Variants in LUC7L observed in about 807,000 individuals in gnomAD.
LUC7L encodes putative RNA-binding protein Luc7-like 1.
LUC7L carries 29 observed loss-of-function variants against 51.1 expected under a neutral mutation model. That is an observed-to-expected ratio of 0.57 (90% CI 0.42 to 0.77). The LOEUF is 0.77. Among genes scored for constraint, LUC7L ranks in the 30% least tolerant of loss-of-function variants. The pLI is 0.00. For missense variants in LUC7L, 403 were observed against 511.9 expected (o/e 0.79, Z 2.05); for synonymous variants, 181 against 180.7 (o/e 1.00, Z -0.01).
At chr16:228,880 A>G (rs2142131791) in intron 1 of LUC7L, 2 of 1,317,932 alleles carry the variant, frequency 1.5e-6, no homozygotes, top group Non-Finnish European at 2.0e-6. Context: ...CCTCGGGTGT[A>G]GCTTCTTCCC....
intron 9 of LUC7L, 63 bp from the exon 10 acceptor site, chr16:189,402 C>T: frequency 6.5e-7 from 1 of 1,545,158 alleles, no homozygotes; most frequent in Non-Finnish European, 8.7e-7. Flanking sequence ...GCCGCTCAGG[C>T]ACTGACGATG....
At chr16:224,693 TGTGGTGGC>T (rs748492742) in intron 2 of LUC7L, among the ~76,000 whole-genome samples, 57 of 151,070 alleles carry the variant, frequency 3.8e-4, no homozygotes, top group Admixed American at 1.5e-3. Flanking sequence ...ATTAGCCAGG[TGTGGTGGC>T]GGGCGCCTAT....
At chr16:213,265 T>A (rs1223251543) in intron 3 of LUC7L, among the ~76,000 whole-genome samples, 1 of 152,160 alleles carries the variant, frequency 6.6e-6, no homozygotes, top group Admixed American at 6.6e-5. Flanking sequence ...CAGCCAATGA[T>A]GAGGACAGGG....
intron 2 of LUC7L, among the ~76,000 whole-genome samples, chr16:224,624 G>C (rs926275113): frequency 7.9e-5 from 12 of 151,798 alleles, no homozygotes; most frequent in African/African-American, 2.2e-4. Flanking sequence ...GAAGTCAGGA[G>C]TTTGAGACCA....
At chr16:219,582 A>G (rs904833161) in intron 3 of LUC7L, among the ~76,000 whole-genome samples, 3 of 151,804 alleles carry the variant, frequency 2.0e-5, no homozygotes, top group Non-Finnish European at 2.9e-5. Flanking sequence ...CTGTATCAAA[A>G]AGAAAAAGAA....
intron 2 of LUC7L, among the ~76,000 whole-genome samples, chr16:221,186 ATTTTTTTTTTTTTTT>A (rs372906826): frequency 4.0e-5 from 4 of 101,256 alleles, no homozygotes; most frequent in Non-Finnish European, 5.8e-5. Context: ...CACCCAGCTA[ATTTTTTTTTTTTTTT>A]TTTTTTTTTT....
intron 6 of LUC7L, 26 bp from the exon 7 acceptor site, chr16:193,041 G>T: frequency 6.3e-7 from 1 of 1,584,586 alleles, no homozygotes. Flanking sequence ...AAAAAATGAG[G>T]AAGAGCAAGT....
intron 6 of LUC7L, among the ~76,000 whole-genome samples, chr16:198,559 G>A (rs568234271): frequency 2.6e-5 from 4 of 152,200 alleles, no homozygotes; most frequent in South Asian, 2.1e-4. Flanking sequence ...TTCCCTTAAC[G>A]ACAGGGTCCA....
chr16:203,470 G>A (rs1177282485), intron 5 of LUC7L, among the ~76,000 whole-genome samples: 1 of 152,158 alleles, frequency 6.6e-6, no homozygotes, highest in African/African-American at 2.4e-5. Context: ...ACTTTGGGAA[G>A]CAGAGCTAGG....
In LUC7L at chr16:217,180, C is replaced by A. The variant is rs140289554; in HGVS notation, c.255+3469G>T. On this transcript the variant is annotated intron_variant, in intron 3 of 9. Coordinates refer to ENST00000293872, the MANE Select transcript of LUC7L (RefSeq NM_201412.3). ...TAGAGGACAGCACCACCATGCCCAGCTAATTTTTGTATTTTTAGAAGAGGC... is the reference window on the plus strand; with the variant it reads ...TAGAGGACAGCACCACCATGCCCAGATAATTTTTGTATTTTTAGAAGAGGC... Among the ~76,000 whole-genome samples the A allele has an allele frequency of 5.9e-3, 898 of 152,094 alleles. 15 individuals carry two copies. Among genetic ancestry groups the A allele is most frequent in the African/African-American group, 0.02 (829 of 41,498 alleles).
intron 5 of LUC7L, among the ~76,000 whole-genome samples, chr16:205,035 G>C (rs918186568): frequency 2.0e-5 from 3 of 152,174 alleles, no homozygotes; most frequent in African/African-American, 7.2e-5. Context: ...ATGGCAACAG[G>C]AAGTGGCATG....
At chr16:225,798 CA>C (rs202030985) in intron 2 of LUC7L, among the ~76,000 whole-genome samples, 50 of 138,620 alleles carry the variant, frequency 3.6e-4, no homozygotes, top group Admixed American at 3.7e-4. Flanking sequence ...AATTCTGTCT[CA>C]AAAAAAAAAA....
chr16:201,226 T>C (rs957079434), intron 5 of LUC7L, among the ~76,000 whole-genome samples: 2 of 115,098 alleles, frequency 1.7e-5, no homozygotes, highest in Admixed American at 1.0e-4. Context: ...ATTTCCATTA[T>C]AGTATGCTAC....
rs563540034 is a variant in LUC7L, at chr16:220,540, G to A, written c.255+109C>T. 141 of 798,772 alleles carry A rather than the reference G, an allele frequency of 1.8e-4. No homozygotes were observed. In the African/African-American group the frequency reaches 2.3e-3, roughly 13 times the overall value. 49.5% of individuals were successfully genotyped at this position (798,772 alleles called of 1,614,324 possible). On this transcript the variant is annotated intron_variant, in intron 3 of 9. Transcript: ENST00000293872. ...CTGAGCTTGAGTGGCAGGATAACAA[G>A]CAACTACCTTATTATTTTGCTTCAT...
chr16:205,750 C>T (rs911573480), intron 5 of LUC7L, among the ~76,000 whole-genome samples: 1 of 152,106 alleles, frequency 6.6e-6, no homozygotes, highest in African/African-American at 2.4e-5. Flanking sequence ...GCGCCATGCC[C>T]GGCTAATTTT....
At chr16:213,105 G>A (rs1369282900) in intron 3 of LUC7L, among the ~76,000 whole-genome samples, 2 of 152,122 alleles carry the variant, frequency 1.3e-5, no homozygotes, top group Non-Finnish European at 2.9e-5. Flanking sequence ...TAATATTGCT[G>A]TTTGACAGTT....
intron 2 of LUC7L, among the ~76,000 whole-genome samples, chr16:225,102 T>C (rs1177584357): frequency 6.6e-6 from 1 of 152,100 alleles, no homozygotes; most frequent in East Asian, 1.9e-4. Flanking sequence ...TGTCAGGCGT[T>C]TTTTACTCCA....
intron 5 of LUC7L, among the ~76,000 whole-genome samples, chr16:200,406 C>CA (rs2142057238): frequency 7.0e-6 from 1 of 142,394 alleles, no homozygotes; most frequent in South Asian, 2.3e-4. Flanking sequence ...AGCGAGACTC[C>CA]GTCTCAAAAG....
chr16:191,999 CCCA>C (rs2049022604), intron 7 of LUC7L, among the ~76,000 whole-genome samples: 1 of 152,042 alleles, frequency 6.6e-6, no homozygotes, highest in Non-Finnish European at 1.5e-5. Context: ...ACTCAACAGC[CCCA>C]CCTCAAGATG....
Sources: gnomAD v4.1 joint callset for allele counts (sites outside exome capture counted in the v4.1 genomes callset) on GRCh38, gnomAD v4.1.1 for gene constraint, MANE v1.5 for transcripts, NCBI Gene and HGNC (gene_info 2026-07-23, HGNC 2026-07-21) for gene names.